SANBR: variants seen among roughly 807,000 people sequenced by gnomAD.
SANBR encodes the protein SANT and BTB domain regulator of class switch recombination.
SANBR carries 77 observed loss-of-function variants against 101.8 expected under a neutral mutation model. That is an observed-to-expected ratio of 0.76 (90% CI 0.63 to 0.91). The LOEUF (loss-of-function observed/expected upper bound fraction) is 0.91. Ranked by LOEUF, SANBR falls within the 40% of genes least tolerant of loss-of-function variation. The probability of loss-of-function intolerance (pLI) is 0.00; values close to 1 mark genes in which losing one functional copy is unlikely to be tolerated. For synonymous variants in SANBR, 279 were observed against 274.7 expected (o/e 1.02, Z -0.15); for missense variants, 875 against 853.0 (o/e 1.03, Z -0.32).
In SANBR at chr2:61,076,913, T is replaced by G. The variant is rs2104858955; in HGVS notation, c.432-7T>G. Reference sequence around the variant, plus strand: ...TAATTTCATTTTTGTGTAACATTTTTATGAAGGCCAAACATGGTGATCCAT... The same window carrying G: ...TAATTTCATTTTTGTGTAACATTTTGATGAAGGCCAAACATGGTGATCCAT... On this transcript the variant is annotated splice_region_variant and splice_polypyrimidine_tract_variant and intron_variant, in intron 5 of 21. Coordinates refer to ENST00000402291, the MANE Select transcript of SANBR (RefSeq NM_001129993.3). 6.3e-7 allele frequency: 1 copy of G among 1,593,116 alleles called. No individual in the cohort carries two copies. Among genetic ancestry groups the G allele is most frequent in the Non-Finnish European group, 8.6e-7 (1 of 1,166,170 alleles).
intron 5 of SANBR, among the ~76,000 whole-genome samples, chr2:61,076,293 A>T (rs1455058771): frequency 6.7e-6 from 1 of 148,326 alleles, no homozygotes; most frequent in Non-Finnish European, 1.5e-5. Flanking sequence ...GTGTGCGGCC[A>T]TAAACTTTAT....
At chr2:61,088,576 G>GATCTC in intron 10 of SANBR, 108 bp downstream of exon 10, 1 of 707,062 alleles carries the variant, frequency 1.4e-6, no homozygotes, top group Non-Finnish European at 2.1e-6. Flanking sequence ...CTGGCGTGCA[G>GATCTC]TGGTGTGGTC....
intron 20 of SANBR, among the ~76,000 whole-genome samples, chr2:61,133,107 C>T (rs1361526237): frequency 6.6e-6 from 1 of 152,122 alleles, no homozygotes; most frequent in Non-Finnish European, 1.5e-5. Flanking sequence ...CAAAAATTAG[C>T]CGGGCATGGT....
At chr2:61,077,614 C>G (rs1001520127) in intron 6 of SANBR, among the ~76,000 whole-genome samples, 2 of 151,896 alleles carry the variant, frequency 1.3e-5, no homozygotes, top group South Asian at 2.1e-4. Flanking sequence ...AGAAAAAAAT[C>G]TAGTTTCACT....
chr2:61,082,299 C>G (rs184686864), intron 7 of SANBR, among the ~76,000 whole-genome samples: 57 of 152,244 alleles, frequency 3.7e-4, no homozygotes, highest in African/African-American at 1.3e-3. Flanking sequence ...ATTTTGAAAT[C>G]TAAGCCCTAA....
At chr2:61,108,479 C>T in intron 15 of SANBR, 130 bp downstream of exon 15, 1 of 559,490 alleles carries the variant, frequency 1.8e-6, no homozygotes. Context: ...TTCAGATTCT[C>T]CTATTTTGCA....
chr2:61,109,143 A>G (rs1329164817), intron 15 of SANBR, 54 bp from the exon 16 acceptor site: 2 of 893,280 alleles, frequency 2.2e-6, no homozygotes, highest in Non-Finnish European at 3.3e-6. Context: ...TGTTTGAAAG[A>G]ATTCAATAAA....
At chr2:61,130,503 T>C (rs909892986) in intron 20 of SANBR, among the ~76,000 whole-genome samples, 11 of 152,116 alleles carry the variant, frequency 7.2e-5, no homozygotes, top group African/African-American at 2.4e-4. Flanking sequence ...TGAATATAGA[T>C]GCAAAAATCC....
At chr2:61,130,399 A>T (rs1243695097) in intron 20 of SANBR, among the ~76,000 whole-genome samples, 1 of 152,174 alleles carries the variant, frequency 6.6e-6, no homozygotes, top group Non-Finnish European at 1.5e-5. Context: ...AAAGACATTT[A>T]ACTAACTGTC....
At chr2:61,130,960 T>TAAAAAAAAAA (rs1684671926) in intron 20 of SANBR, among the ~76,000 whole-genome samples, 2 of 43,494 alleles carry the variant, frequency 4.6e-5, no homozygotes, top group Non-Finnish European at 9.7e-5. Context: ...AAAAAAAAAG[T>TAAAAAAAAAA]CTCACAATCA....
At chr2:61,070,192 A>G (rs1484590387) in intron 2 of SANBR, 150 bp from the exon 3 acceptor site, 4 of 463,950 alleles carry the variant, frequency 8.6e-6, no homozygotes, top group Non-Finnish European at 1.1e-5. Flanking sequence ...GAAGAGATTT[A>G]GGCTATACTA....
downstream of SANBR, among the ~76,000 whole-genome samples, chr2:61,128,294 T>C (rs1333189184): frequency 2.0e-5 from 3 of 150,918 alleles, no homozygotes; most frequent in Non-Finnish European, 4.4e-5. Context: ...AAAGAATCCT[T>C]ACTTACAAGA....
intron 11 of SANBR, among the ~76,000 whole-genome samples, chr2:61,094,623 G>GTATT (rs1682934990): frequency 7.6e-6 from 1 of 131,376 alleles, no homozygotes; most frequent in South Asian, 2.5e-4. Flanking sequence ...TCTCTTGGAT[G>GTATT]TATTTATTTC....
intron 11 of SANBR, chr2:61,094,201 G>A: frequency 7.0e-6 from 2 of 284,238 alleles, no homozygotes; most frequent in Non-Finnish European, 1.1e-5. Context: ...GCTTACAATT[G>A]TATAACTACC....
At chr2:61,136,698 G>T (rs538862380) in intron 21 of SANBR, among the ~76,000 whole-genome samples, 2 of 151,266 alleles carry the variant, frequency 1.3e-5, no homozygotes, top group Non-Finnish European at 2.9e-5. Context: ...TAGGCTGGGC[G>T]TGGGGGCTCA....
chr2:61,090,836 A>G (rs2104899082), intron 10 of SANBR: 1 of 152,584 alleles, frequency 6.6e-6, no homozygotes, highest in Admixed American at 6.5e-5. Context: ...TCAGCCTCTC[A>G]AAGCGCTAGG....
At chr2:61,105,154 G>T (rs1233579445) in intron 13 of SANBR, among the ~76,000 whole-genome samples, 1 of 151,812 alleles carries the variant, frequency 6.6e-6, no homozygotes, top group Non-Finnish European at 1.5e-5. Context: ...GCCGAGGCAG[G>T]CCGATCACTT....
At chr2:61,095,670 C>T (rs1411101644) in intron 11 of SANBR, among the ~76,000 whole-genome samples, 2 of 152,088 alleles carry the variant, frequency 1.3e-5, no homozygotes, top group Non-Finnish European at 2.9e-5. Context: ...CCGACAGGAC[C>T]CTATTCAGGT....
chr2:61,110,536 G>A (rs548091407), intron 16 of SANBR, among the ~76,000 whole-genome samples: 57 of 152,322 alleles, frequency 3.7e-4, no homozygotes, highest in African/African-American at 1.3e-3. Context: ...AAAATTAGCC[G>A]GGCATAATGA....
Sources: gnomAD v4.1 joint callset for allele counts (sites outside exome capture counted in the v4.1 genomes callset) on GRCh38, gnomAD v4.1.1 for gene constraint, MANE v1.5 for transcripts, NCBI Gene and HGNC (gene_info 2026-07-23, HGNC 2026-07-21) for gene names.